EIF3J: variants seen among roughly 807,000 people sequenced by gnomAD.
EIF3J encodes the protein eukaryotic translation initiation factor 3, subunit 1 (alpha, 35kD).
A neutral mutation model predicts 39.0 loss-of-function variants in EIF3J; 15 were observed. The observed-to-expected ratio is 0.38, with a 90% CI of 0.26 to 0.59. The LOEUF is 0.59. EIF3J is among the 20% of genes least tolerant of loss of function. The pLI, the probability that EIF3J is intolerant of heterozygous loss-of-function variation, is 0.60. For missense variants in EIF3J, 226 were observed against 308.6 expected, an observed-to-expected ratio of 0.73 and a Z score of 2.00; for synonymous variants, 98 against 112.9, an observed-to-expected ratio of 0.87 and a Z score of 0.84.
chr15:44,560,234 CCTTTT>C lies in EIF3J; in HGVS notation c.572-14_572-10del. On this transcript the variant is annotated splice_polypyrimidine_tract_variant and intron_variant, in intron 6 of 7. Transcript: ENST00000261868. ...TAAAAATTCAAGTTTAATGGTATGC[CCTTTT>C]TTTTTTAAGTGGAAATTGATGACTT... 6.3e-7 allele frequency: 1 copy of C among 1,592,322 alleles called. No homozygotes were observed. The highest frequency in any genetic ancestry group is 8.5e-7 in the Non-Finnish European group (1 of 1,171,666).
At chr15:44,558,221 A>C (rs2082160762) in intron 6 of EIF3J, among the ~76,000 whole-genome samples, 1 of 152,160 alleles carries the variant, frequency 6.6e-6, no homozygotes, top group African/African-American at 2.4e-5. Context: ...TAGTATTTGC[A>C]GTTTTTTTGT....
At chr15:44,549,599 C>T (rs1232847517) in intron 2 of EIF3J, among the ~76,000 whole-genome samples, 1 of 151,410 alleles carries the variant, frequency 6.6e-6, no homozygotes, top group Non-Finnish European at 1.5e-5. Flanking sequence ...GAAATCCTGT[C>T]TATACTAAAA....
chr15:44,554,152 G>A (rs935873995), intron 4 of EIF3J, among the ~76,000 whole-genome samples: 3 of 151,998 alleles, frequency 2.0e-5, no homozygotes, highest in East Asian at 1.9e-4. Context: ...TGAGATGGGC[G>A]GATCACTTGA....
intron 5 of EIF3J, among the ~76,000 whole-genome samples, chr15:44,555,962 T>G (rs1213085915): frequency 6.6e-6 from 1 of 152,050 alleles, no homozygotes; most frequent in Non-Finnish European, 1.5e-5. Context: ...GCTCAAGCCA[T>G]CCTCCCACCT....
chr15:44,542,627 T>C (rs1280209912), intron 2 of EIF3J, among the ~76,000 whole-genome samples: 2 of 152,196 alleles, frequency 1.3e-5, no homozygotes, highest in Admixed American at 6.5e-5. Flanking sequence ...AAGCAAGATA[T>C]AAAGTTTTCT....
rs1399716163 is a variant in EIF3J, at chr15:44,562,337, A to G, written c.*1188A>G. On this transcript the variant is annotated 3_prime_UTR_variant, in exon 8 of 8. Coordinates refer to ENST00000261868, the MANE Select transcript of EIF3J (RefSeq NM_003758.4). ...CCAAGGCCTAATTAATTAAGTACCT[A>G]TAAGAACTATTTATTTGGAGTAACT... is the stretch of plus-strand genomic sequence containing the variant. The G allele has an allele frequency of 2.6e-5, 4 of 152,756 alleles. No homozygotes were observed. Among genetic ancestry groups the G allele is most frequent in the South Asian group, 2.1e-4 (1 of 4,830 alleles). The allele number at this position is 152,756 out of a possible 1,614,324, so 9.5% of individuals were successfully genotyped here.
rs2082202640 is a variant in EIF3J at position 44,562,004 on chromosome 15, G to A, written c.*855G>A. 1 of 152,438 alleles carries A rather than the reference G, an allele frequency of 6.6e-6. No homozygotes were observed. Among genetic ancestry groups the A allele is most frequent in the Non-Finnish European group, 1.5e-5 (1 of 68,014 alleles). The allele number at this position is 152,438 out of a possible 1,614,324, so 9.4% of individuals were successfully genotyped here. Reference sequence around the variant, plus strand: ...AAACTGCACCAGTTAACTACAGTTTGGTAAATTGTTATGTTAACAATTATG... The same window carrying A: ...AAACTGCACCAGTTAACTACAGTTTAGTAAATTGTTATGTTAACAATTATG... On this transcript the variant is annotated 3_prime_UTR_variant, in exon 8 of 8. Transcript: ENST00000261868.
intron 2 of EIF3J, among the ~76,000 whole-genome samples, chr15:44,544,782 G>A (rs551322514): frequency 6.6e-6 from 1 of 151,614 alleles, no homozygotes; most frequent in Non-Finnish European, 1.5e-5. Flanking sequence ...GAGGTGGGTG[G>A]ATCACGAGGT....
intron 2 of EIF3J, among the ~76,000 whole-genome samples, chr15:44,538,896 GA>G (rs2081984182): frequency 6.6e-6 from 1 of 152,134 alleles, no homozygotes; most frequent in African/African-American, 2.4e-5. Context: ...CAAATGCAGA[GA>G]AAAGATTAGA....
chr15:44,560,499 T>C (rs972614845), intron 7 of EIF3J, 177 bp downstream of exon 7: 31 of 554,550 alleles, frequency 5.6e-5, no homozygotes, highest in African/African-American at 5.6e-4. Context: ...TTTCCAGACA[T>C]GTTCCCCTTT....
At position 44,544,523 on chromosome 15, in the gene EIF3J, G is replaced by A. The variant is rs1338153461; in HGVS notation, c.148-6353G>A. ...AGTTCAGGACCAGCCTGACCAACAT[G>A]GAGAAACCCATCTCTACTAAAAATA... On this transcript the variant is annotated intron_variant, in intron 2 of 7. Coordinates refer to ENST00000261868, the MANE Select transcript of EIF3J (RefSeq NM_003758.4). Among the ~76,000 whole-genome samples, 3 of 150,288 alleles carry A rather than the reference G, an allele frequency of 2.0e-5. No individual in the cohort carries two copies. In the East Asian group the frequency reaches 6.1e-4, roughly 31 times the overall value.
At chr15:44,539,916 G>A (rs2081996480) in intron 2 of EIF3J, among the ~76,000 whole-genome samples, 1 of 147,818 alleles carries the variant, frequency 6.8e-6, no homozygotes, top group Non-Finnish European at 1.5e-5. Flanking sequence ...GTGCACCGCC[G>A]TGCCCAGCTA....
At chr15:44,551,408 A>G (rs2082097976) in intron 3 of EIF3J, 23 bp from the exon 4 acceptor site, 1 of 1,478,228 alleles carries the variant, frequency 6.8e-7, no homozygotes, top group Admixed American at 2.0e-5. Flanking sequence ...GTATAACTGA[A>G]TAAAACTTTT....
At chr15:44,558,385 C>G (rs565268739) in intron 6 of EIF3J, among the ~76,000 whole-genome samples, 22 of 152,022 alleles carry the variant, frequency 1.4e-4, no homozygotes, top group African/African-American at 3.1e-4. Flanking sequence ...AGGCGGATCA[C>G]GAGGTCAGGA....
At chr15:44,547,875 G>C (rs1453344707) in intron 2 of EIF3J, among the ~76,000 whole-genome samples, 3 of 152,124 alleles carry the variant, frequency 2.0e-5, no homozygotes, top group African/African-American at 7.2e-5. Flanking sequence ...TTACATTTGG[G>C]GGGAAGTAAG....
intron 4 of EIF3J, among the ~76,000 whole-genome samples, chr15:44,552,057 G>A (rs1334777638): frequency 3.3e-5 from 5 of 151,598 alleles, no homozygotes; most frequent in Admixed American, 1.3e-4. Context: ...TCCTGACCTC[G>A]TGATCCACCC....
At position 44,537,188 on chromosome 15, in the gene EIF3J, G is replaced by A. The variant is rs544442013; in HGVS notation, c.-7G>A. The A allele has an allele frequency of 1.1e-5, 17 of 1,611,416 alleles. No homozygotes were observed. In the African/African-American group the frequency reaches 1.5e-4, roughly 14 times the overall value. ...TCCCTCTCACACACGCTCACACCCGGCTCGAGATGGCGGCGGCGGCGGCGG... is the reference window on the plus strand; with the variant it reads ...TCCCTCTCACACACGCTCACACCCGACTCGAGATGGCGGCGGCGGCGGCGG... On this transcript the variant is annotated 5_prime_UTR_variant, in exon 1 of 8. Transcript: ENST00000261868.
intron 2 of EIF3J, among the ~76,000 whole-genome samples, chr15:44,537,904 A>G (rs139994705): frequency 6.6e-6 from 1 of 152,332 alleles, no homozygotes; most frequent in African/African-American, 2.4e-5. Context: ...TGAGTGAAAT[A>G]TTGTAGTTGA....
intron 5 of EIF3J, 140 bp downstream of exon 5, chr15:44,554,807 T>C: frequency 2.0e-6 from 1 of 501,106 alleles, no homozygotes; most frequent in Non-Finnish European, 3.5e-6. Context: ...TCTCTGTGTA[T>C]ATTTGAGATT....
Sources: allele counts gnomAD v4.1 joint callset (sites outside exome capture counted in the v4.1 genomes callset), GRCh38; gene constraint gnomAD v4.1.1; transcripts MANE v1.5; gene names NCBI Gene and HGNC (gene_info 2026-07-23, HGNC 2026-07-21).